The following FHOD3 variants were observed in gnomAD, a reference collection of about 807,000 sequenced individuals.
FHOD3 encodes FH1/FH2 domain-containing protein 3.
Under a neutral mutation model 173.0 loss-of-function variants are expected in FHOD3, and 90 were observed. The ratio of observed to expected loss-of-function variants is 0.52; its 90% CI spans 0.44 to 0.62. The LOEUF is 0.62. Among genes scored for constraint, FHOD3 ranks in the 20% least tolerant of loss-of-function variants. The probability of loss-of-function intolerance (pLI) is 0.00; values close to 1 mark genes in which losing one functional copy is unlikely to be tolerated. For missense variants in FHOD3, 1,945 were observed against 2,034.7 expected (o/e 0.96, Z 0.85); for synonymous variants, 828 against 823.0 (o/e 1.01, Z -0.10).
intron 1 of FHOD3, among the ~76,000 whole-genome samples, chr18:36,305,740 TGGGG>T (rs2092076331): frequency 2.0e-5 from 3 of 152,102 alleles, no homozygotes; most frequent in Admixed American, 6.6e-5. Flanking sequence ...CTCTGAGTAG[TGGGG>T]TGGTCCTTGG....
chr18:36,526,072 T>A (rs1396042503), intron 5 of FHOD3, among the ~76,000 whole-genome samples: 1 of 152,224 alleles, frequency 6.6e-6, no homozygotes, highest in African/African-American at 2.4e-5. Flanking sequence ...TGCTCTTATC[T>A]CAGTGTTCTT....
intron 10 of FHOD3, among the ~76,000 whole-genome samples, chr18:36,636,494 G>T (rs2034892304): frequency 6.6e-6 from 1 of 152,156 alleles, no homozygotes; most frequent in African/African-American, 2.4e-5. Context: ...GGGCACATTT[G>T]GGATGATTCT....
chr18:36,455,406 G>T (rs1018035647), intron 3 of FHOD3, among the ~76,000 whole-genome samples: 2 of 151,998 alleles, frequency 1.3e-5, no homozygotes, highest in Non-Finnish European at 2.9e-5. Flanking sequence ...ACAAGAAGTG[G>T]GAAACATTTT....
intron 3 of FHOD3, among the ~76,000 whole-genome samples, chr18:36,374,435 A>T (rs1018357937): frequency 6.6e-6 from 1 of 152,224 alleles, no homozygotes; most frequent in African/African-American, 2.4e-5. Flanking sequence ...GAATTATGTA[A>T]TTTAATGAAA....
At chr18:36,346,098 G>C (rs1422798731) in intron 1 of FHOD3, among the ~76,000 whole-genome samples, 1 of 152,210 alleles carries the variant, frequency 6.6e-6, no homozygotes, top group Admixed American at 6.5e-5. Flanking sequence ...GGGCACAGTG[G>C]CTCATGCCTG....
chr18:36,573,004 C>T (rs548261036), intron 5 of FHOD3, among the ~76,000 whole-genome samples: 3 of 151,310 alleles, frequency 2.0e-5, no homozygotes, highest in East Asian at 3.9e-4. Flanking sequence ...CAGAATGTGC[C>T]GAATTCTTGG....
intron 14 of FHOD3, among the ~76,000 whole-genome samples, chr18:36,663,629 T>G (rs904437710): frequency 6.6e-6 from 1 of 152,244 alleles, no homozygotes; most frequent in African/African-American, 2.4e-5. Flanking sequence ...TTCTCCCAGC[T>G]TAAGCTCTCT....
At chr18:36,391,869 CCTA>C (rs1490519958) in intron 3 of FHOD3, among the ~76,000 whole-genome samples, 1 of 151,946 alleles carries the variant, frequency 6.6e-6, no homozygotes, top group Non-Finnish European at 1.5e-5. Context: ...TCTGCTGACT[CCTA>C]CTCAATTCTT....
intron 20 of FHOD3, 50 bp downstream of exon 20, chr18:36,730,854 G>T: frequency 6.4e-7 from 1 of 1,558,728 alleles, no homozygotes. Context: ...TATACTGCAT[G>T]TATAATATGC....
At chr18:36,589,493 T>G (rs1449491309) in intron 6 of FHOD3, among the ~76,000 whole-genome samples, 4 of 152,190 alleles carry the variant, frequency 2.6e-5, no homozygotes, top group African/African-American at 7.2e-5. Flanking sequence ...TGGATCCAGT[T>G]CTGAGCCTTG....
intron 1 of FHOD3, among the ~76,000 whole-genome samples, chr18:36,337,660 A>G (rs560360898): frequency 1.3e-4 from 20 of 152,082 alleles, no homozygotes; most frequent in Non-Finnish European, 2.8e-4. Flanking sequence ...TTCTCTTCCG[A>G]TTAAAAGTGC....
intron 18 of FHOD3, chr18:36,710,982 G>A (rs2040141673): frequency 6.6e-6 from 1 of 152,138 alleles, no homozygotes; most frequent in African/African-American, 2.4e-5. Flanking sequence ...GGGCTTTCTT[G>A]GATCAGATTG....
intron 3 of FHOD3, among the ~76,000 whole-genome samples, chr18:36,452,648 CG>C (rs2051924614): frequency 6.6e-6 from 1 of 152,020 alleles, no homozygotes; most frequent in Non-Finnish European, 1.5e-5. Context: ...CTCTGCTTCT[CG>C]GAGTCTGGCT....
At position 36,709,117 on chromosome 18, in the gene FHOD3, C is replaced by G. The variant is rs534513025; in HGVS notation, c.2259C>G (p.Pro753=). ...CAGCAAGTGCCGGGGATCCTGAACC[C>G]GAATCAGAGGCAGAACCGGAAGCAG... is the stretch of plus-strand genomic sequence containing the variant. ...HPQASAGDPE[P]ESEAEPEAEA... The change falls in exon 18 of 29, where the codon CCC becomes CCG. Residue 753 remains proline, a synonymous_variant. Coordinates refer to ENST00000590592, the MANE Select transcript of FHOD3 (RefSeq NM_001281740.3). The G allele has an allele frequency of 1.9e-6, 3 of 1,613,052 alleles. No homozygotes were observed. The highest frequency in any genetic ancestry group is 2.5e-6 in the Non-Finnish European group (3 of 1,179,254).
intron 1 of FHOD3, among the ~76,000 whole-genome samples, chr18:36,331,267 C>T (rs1279192946): frequency 1.3e-5 from 2 of 152,188 alleles, no homozygotes; most frequent in African/African-American, 2.4e-5. Context: ...GGGTTTTAGT[C>T]CTCTCTCAGC....
intron 24 of FHOD3, among the ~76,000 whole-genome samples, chr18:36,750,748 T>C (rs2042369566): frequency 1.3e-5 from 2 of 152,260 alleles, no homozygotes; most frequent in Admixed American, 6.5e-5. Context: ...GAGAGTCTTT[T>C]CCCCATTGCT....
intron 1 of FHOD3, among the ~76,000 whole-genome samples, chr18:36,317,402 T>C (rs143951047): frequency 0.04 from 6,054 of 152,306 alleles, 370 homozygotes; most frequent in African/African-American, 0.13. Context: ...CCTGACTTTT[T>C]AATGATTGCC....
chr18:36,508,826 A>G (rs903142574), intron 4 of FHOD3, among the ~76,000 whole-genome samples: 9 of 152,194 alleles, frequency 5.9e-5, no homozygotes, highest in African/African-American at 1.9e-4. Context: ...AGAGGGAGTA[A>G]CAGAATGAGA....
rs74625370 is a variant in FHOD3, at chr18:36,626,748, A to G, written c.1196+999A>G. Among the ~76,000 whole-genome samples the G allele has an allele frequency of 8.7e-3, 1,320 of 152,308 alleles. 29 individuals are homozygous for G. Among genetic ancestry groups the G allele is most frequent in the African/African-American group, 0.03 (1,232 of 41,572 alleles). On this transcript the variant is annotated intron_variant, in intron 10 of 28. Coordinates refer to ENST00000590592, the MANE Select transcript of FHOD3 (RefSeq NM_001281740.3). ...ATTTAGGTCACCAGGCTACATTATGAGGAAGAAAATCACTCAGAATAAGTT... is the reference window on the plus strand; with the variant it reads ...ATTTAGGTCACCAGGCTACATTATGGGGAAGAAAATCACTCAGAATAAGTT...
Sources: gnomAD v4.1 joint callset for allele counts (sites outside exome capture counted in the v4.1 genomes callset) on GRCh38, gnomAD v4.1.1 for gene constraint, MANE v1.5 for transcripts, NCBI Gene and HGNC (gene_info 2026-07-23, HGNC 2026-07-21) for gene names.